Variants in SUMF1 observed in about 807,000 individuals in gnomAD.
The protein encoded by SUMF1 is sulfatase modifying factor 1, also known as formylglycine-generating enzyme.
In SUMF1, 48 loss-of-function variants were observed where a neutral mutation model predicts 47.6. The observed-to-expected ratio is 1.01, with a 90% CI of 0.80 to 1.28. The LOEUF is 1.28. Ranked by LOEUF, SUMF1 falls within the 50% of genes most tolerant of loss-of-function variation. The pLI, the probability that SUMF1 is intolerant of heterozygous loss-of-function variation, is 0.00. For missense variants in SUMF1, 571 were observed against 485.4 expected (o/e 1.18, Z -1.66); for synonymous variants, 230 against 192.1 (o/e 1.20, Z -1.63).
chr3:4,074,404 A>G (rs1193386422), intron 8 of SUMF1, among the ~76,000 whole-genome samples: 1 of 152,154 alleles, frequency 6.6e-6, no homozygotes, highest in Admixed American at 6.5e-5. Flanking sequence ...TCTAAAATCA[A>G]CACCATAACA....
intron 8 of SUMF1, among the ~76,000 whole-genome samples, chr3:4,074,718 C>T (rs1692380526): frequency 6.6e-6 from 1 of 152,038 alleles, no homozygotes; most frequent in Non-Finnish European, 1.5e-5. Flanking sequence ...CACCTCTATG[C>T]AAATAAATTA....
chr3:4,421,761 A>G (rs1400407439), intron 3 of SUMF1, among the ~76,000 whole-genome samples: 80 of 152,330 alleles, frequency 5.3e-4, no homozygotes, highest in Middle Eastern at 3.4e-3. Context: ...CTGGGATTAC[A>G]GGTGTAAGCT....
chr3:4,426,248 T>C (rs1433617215), intron 3 of SUMF1, among the ~76,000 whole-genome samples: 1 of 152,200 alleles, frequency 6.6e-6, no homozygotes, highest in Non-Finnish European at 1.5e-5. Context: ...AGACAGATCA[T>C]AAGTCACCAC....
chr3:4,115,747 A>G (rs1176201352), intron 8 of SUMF1, among the ~76,000 whole-genome samples: 4 of 152,156 alleles, frequency 2.6e-5, no homozygotes, highest in Admixed American at 2.6e-4. Flanking sequence ...GTTTGAGTCC[A>G]ATTTCTGAAT....
intron 8 of SUMF1, among the ~76,000 whole-genome samples, chr3:4,232,449 G>T (rs190559897): frequency 5.1e-4 from 78 of 152,208 alleles, no homozygotes; most frequent in Admixed American, 5.2e-4. Flanking sequence ...TGAGCCAAGA[G>T]AAGGAGGCTC....
intron 8 of SUMF1, among the ~76,000 whole-genome samples, chr3:4,295,881 A>G (rs1697840259): frequency 6.6e-6 from 1 of 152,200 alleles, no homozygotes; most frequent in South Asian, 2.1e-4. Flanking sequence ...CATATCAACA[A>G]GGGAAATTAT....
intron 8 of SUMF1, among the ~76,000 whole-genome samples, chr3:4,233,844 C>T (rs1053465794): frequency 3.9e-5 from 6 of 152,130 alleles, no homozygotes; most frequent in South Asian, 2.1e-4. Context: ...TTCCCTTCCT[C>T]AAAGTAACAG....
At chr3:4,319,960 A>G (rs932899325) in intron 8 of SUMF1, among the ~76,000 whole-genome samples, 6 of 152,230 alleles carry the variant, frequency 3.9e-5, no homozygotes, top group African/African-American at 1.4e-4. Context: ...ACAAAACAAT[A>G]GAGAATAAAA....
Position 4,245,981 on chromosome 3 carries a change from C to T in SUMF1, c.1014+130349G>A, listed in dbSNP as rs185670372. On this transcript the variant is annotated intron_variant and NMD_transcript_variant, in intron 8 of 12. Coordinates refer to the SUMF1 transcript ENST00000448413. Reference sequence around the variant, plus strand: ...CTCAGCAATCGTGGATGCCCCTTTCCCTGCCAAGCTCCAGCGTCCCAGGTC... The same window carrying T: ...CTCAGCAATCGTGGATGCCCCTTTCTCTGCCAAGCTCCAGCGTCCCAGGTC... 3.3e-5 allele frequency among the ~76,000 whole-genome samples: 5 copies of T among 152,302 alleles called. No individual in the cohort carries two copies. In the East Asian group the frequency reaches 5.8e-4, roughly 18 times the overall value.
At chr3:4,441,404 A>G (rs1372892591) in intron 3 of SUMF1, among the ~76,000 whole-genome samples, 1 of 152,170 alleles carries the variant, frequency 6.6e-6, no homozygotes, top group Non-Finnish European at 1.5e-5. Flanking sequence ...ATATATTGCA[A>G]TGTAATAATA....
chr3:4,093,509 G>A (rs1692834185), intron 8 of SUMF1, among the ~76,000 whole-genome samples: 1 of 151,906 alleles, frequency 6.6e-6, no homozygotes, highest in Admixed American at 6.6e-5. Flanking sequence ...TCACAAAGAT[G>A]GTGAGTATTC....
chr3:4,156,675 C>G (rs549194103), intron 8 of SUMF1, among the ~76,000 whole-genome samples: 1 of 151,706 alleles, frequency 6.6e-6, no homozygotes, highest in East Asian at 1.9e-4. Context: ...TATTTGCACT[C>G]TCTGGGCCTG....
chr3:4,450,787 A>AG lies in SUMF1; in HGVS notation c.445-1448dup, dbSNP rs1349265997. Among the ~76,000 whole-genome samples the AG allele has an allele frequency of 2.6e-5, 4 of 152,170 alleles. No individual in the cohort carries two copies. In the East Asian group the frequency reaches 7.7e-4, roughly 29 times the overall value. ...AATGAGAAGGAGCCAACCATGCAGA[A>AG]GGGGGATAAGCAAGAGGACTGCGAA... On this transcript the variant is annotated intron_variant, in intron 2 of 8. Coordinates refer to ENST00000272902, the MANE Select transcript of SUMF1 (RefSeq NM_182760.4).
chr3:4,081,552 T>A (rs545481876), intron 8 of SUMF1, among the ~76,000 whole-genome samples: 1 of 152,116 alleles, frequency 6.6e-6, no homozygotes, highest in Admixed American at 6.6e-5. Flanking sequence ...AGTAGAGTGG[T>A]TTAGAAAAAA....
chr3:4,344,137 T>A (rs1388413974), intron 8 of SUMF1, among the ~76,000 whole-genome samples: 3 of 152,210 alleles, frequency 2.0e-5, no homozygotes. Flanking sequence ...ATAATAAGCA[T>A]GAGAATCCTT....
At chr3:4,068,641 G>C (rs1181563839) in exon 9 of SUMF1, 5 of 449,580 alleles carry the variant, frequency 1.1e-5, no homozygotes, top group South Asian at 7.9e-5. Context: ...TACGTATTGA[G>C]CAGCATGGTT....
chr3:4,145,855 C>A (rs1269584447), intron 8 of SUMF1, among the ~76,000 whole-genome samples: 1 of 152,150 alleles, frequency 6.6e-6, no homozygotes, highest in East Asian at 1.9e-4. Context: ...CAGCCCCATT[C>A]ATCTCTTCCT....
chr3:4,230,930 C>A (rs867551535), intron 8 of SUMF1, among the ~76,000 whole-genome samples: 1 of 152,092 alleles, frequency 6.6e-6, no homozygotes, highest in Non-Finnish European at 1.5e-5. Context: ...AGTTACCTTA[C>A]CACAACTTTG....
chr3:4,071,445 A>AAG (rs1695522932), intron 8 of SUMF1, among the ~76,000 whole-genome samples: 2 of 152,288 alleles, frequency 1.3e-5, no homozygotes, highest in East Asian at 3.9e-4. Context: ...TCCTGCCCAA[A>AAG]TACTGCACCT....
Sources: allele counts gnomAD v4.1 joint callset (sites outside exome capture counted in the v4.1 genomes callset), GRCh38; gene constraint gnomAD v4.1.1; transcripts MANE v1.5; gene names NCBI Gene and HGNC (gene_info 2026-07-23, HGNC 2026-07-21).